Variants in NSUN2 observed in about 807,000 individuals in gnomAD.
NSUN2 encodes NOP2/Sun RNA methyltransferase 2.
In NSUN2, 63 loss-of-function variants were observed where a neutral mutation model predicts 92.7. The observed-to-expected ratio is 0.68, with a 90% CI of 0.56 to 0.84. The LOEUF is 0.84. Ranked by LOEUF, NSUN2 falls within the 40% of genes least tolerant of loss-of-function variation. NSUN2 has a pLI of 0.00. For synonymous variants in NSUN2, 356 were observed against 348.3 expected (o/e 1.02, Z -0.25); for missense variants, 989 against 964.9 (o/e 1.02, Z -0.33).
intron 5 of NSUN2, among the ~76,000 whole-genome samples, chr5:6,622,375 T>C (rs1737481752): frequency 6.6e-6 from 1 of 152,108 alleles, no homozygotes; most frequent in Non-Finnish European, 1.5e-5. Context: ...CATGAAAACA[T>C]AATGCTAAGG....
At position 6,604,604 on chromosome 5, in the gene NSUN2, C is replaced by T. The variant is rs762632551; in HGVS notation, c.1818+1G>A. The T allele has an allele frequency of 1.2e-6, 2 of 1,613,816 alleles. No homozygotes were observed. The highest frequency in any genetic ancestry group is 1.7e-6 in the Non-Finnish European group (2 of 1,179,698). ...CTGTTCAAATCCACTTCCAAAATTA[C>T]CTCCTGTGCCAGCCGGAAAGCACAG... On this transcript the variant is annotated splice_donor_variant, in intron 16 of 18. Transcript: ENST00000264670. LOFTEE classifies it high-confidence loss of function.
At chr5:6,620,364 C>T (rs1190578843) in intron 6 of NSUN2, 66 bp from the exon 7 acceptor site, 41 of 1,256,296 alleles carry the variant, frequency 3.3e-5, no homozygotes, top group Non-Finnish European at 3.3e-5. Flanking sequence ...CTGAAATATG[C>T]GACCTCCAAA....
chr5:6,627,082 C>G (rs568994134), intron 3 of NSUN2, among the ~76,000 whole-genome samples: 1 of 152,220 alleles, frequency 6.6e-6, no homozygotes, highest in South Asian at 2.1e-4. Flanking sequence ...TCCACGGCCA[C>G]CCTCCAAAGG....
chr5:6,607,534 G>T, intron 12 of NSUN2, 150 bp from the exon 13 acceptor site: 1 of 694,938 alleles, frequency 1.4e-6, no homozygotes, highest in Non-Finnish European at 2.3e-6. Context: ...TTTTTAAAGT[G>T]TCATTTTAAA....
rs200230801 is a variant in NSUN2 at position 6,599,379 on chromosome 5, TG to T, written c.*546del. 6,045 of 152,842 alleles carry T rather than the reference TG, an allele frequency of 0.04. 147 individuals carry two copies. The highest frequency in any genetic ancestry group is 0.057 in the Non-Finnish European group (3,907 of 68,158). The allele number at this position is 152,842 out of a possible 1,614,324, so 9.5% of individuals were successfully genotyped here. Reference sequence around the variant, plus strand: ...ACAATTCACGATACAGCTCTTACTCTGGGAGAGTTTATTTTACCCTTTATTC... The same window carrying T: ...ACAATTCACGATACAGCTCTTACTCTGGAGAGTTTATTTTACCCTTTATTC... On this transcript the variant is annotated 3_prime_UTR_variant, in exon 19 of 19. Coordinates refer to ENST00000264670, the MANE Select transcript of NSUN2 (RefSeq NM_017755.6).
intron 7 of NSUN2, among the ~76,000 whole-genome samples, chr5:6,619,445 T>C (rs893223510): frequency 1.3e-5 from 2 of 152,110 alleles, no homozygotes; most frequent in Non-Finnish European, 2.9e-5. Context: ...CATTATCACC[T>C]GGGATCATCA....
At chr5:6,606,731 CA>C (rs1736789669) in intron 14 of NSUN2, 88 bp downstream of exon 14, 1 of 658,724 alleles carries the variant, frequency 1.5e-6, no homozygotes, top group Non-Finnish European at 2.5e-6. Context: ...GAACTACATA[CA>C]AAACAATGGT....
At chr5:6,608,769 T>C (rs1480933345) in intron 12 of NSUN2, among the ~76,000 whole-genome samples, 2 of 152,250 alleles carry the variant, frequency 1.3e-5, no homozygotes, top group South Asian at 4.1e-4. Context: ...GCCACAAGCC[T>C]GTGGTCACTG....
At chr5:6,600,796 C>T (rs1736522351) in intron 18 of NSUN2, among the ~76,000 whole-genome samples, 1 of 152,152 alleles carries the variant, frequency 6.6e-6, no homozygotes, top group Admixed American at 6.5e-5. Flanking sequence ...TCTCCAGGGA[C>T]CCCACATGGC....
At chr5:6,624,236 C>A (rs1465105123) in intron 4 of NSUN2, among the ~76,000 whole-genome samples, 3 of 152,196 alleles carry the variant, frequency 2.0e-5, no homozygotes, top group Non-Finnish European at 4.4e-5. Context: ...CCTTCTGTAT[C>A]CATCCAAGGT....
intron 18 of NSUN2, among the ~76,000 whole-genome samples, chr5:6,601,475 T>C (rs2126465411): frequency 6.6e-6 from 1 of 152,140 alleles, no homozygotes; most frequent in East Asian, 1.9e-4. Flanking sequence ...ATCCATCTGT[T>C]GTTCCCTCAC....
intron 18 of NSUN2, 124 bp from the exon 19 acceptor site, chr5:6,600,356 A>C: frequency 4.9e-6 from 4 of 824,578 alleles, no homozygotes; most frequent in Non-Finnish European, 7.4e-6. Context: ...AACCCCCAAA[A>C]CTACTGGGAG....
At chr5:6,605,700 CT>C (rs879418991) in intron 14 of NSUN2, among the ~76,000 whole-genome samples, 292 of 144,814 alleles carry the variant, frequency 2.0e-3, no homozygotes, top group African/African-American at 3.4e-3. Flanking sequence ...ACTTTTGAGA[CT>C]TTTTTTTTTT....
chr5:6,623,073 C>T (rs983439526), intron 5 of NSUN2, 141 bp downstream of exon 5: 11 of 457,276 alleles, frequency 2.4e-5, no homozygotes, highest in East Asian at 3.7e-5. Context: ...AACTAAGATA[C>T]GTACATATCA....
chr5:6,609,255 C>T (rs570491008), intron 12 of NSUN2, among the ~76,000 whole-genome samples: 6 of 152,302 alleles, frequency 3.9e-5, no homozygotes, highest in South Asian at 2.1e-4. Flanking sequence ...TGAGACAGCA[C>T]GCATTACAAA....
chr5:6,627,635 G>C (rs1451090079), intron 3 of NSUN2, among the ~76,000 whole-genome samples: 1 of 152,156 alleles, frequency 6.6e-6, no homozygotes, highest in East Asian at 1.9e-4. Flanking sequence ...CTCATGTAAA[G>C]AAACATTTAG....
At chr5:6,606,567 G>A (rs1220960020) in intron 14 of NSUN2, among the ~76,000 whole-genome samples, 4 of 151,880 alleles carry the variant, frequency 2.6e-5, no homozygotes, top group Non-Finnish European at 5.9e-5. Context: ...TTACAGCCGT[G>A]AGCCACCGCG....
rs563543380 is a variant in NSUN2 at position 6,612,628 on chromosome 5, A to C, written c.1022-830T>G. ...AAACATGAAAATGGGACAATTACAA[A>C]AACAAAGGAAAAGAATCTCCAAGGT... On this transcript the variant is annotated intron_variant, in intron 9 of 18. Transcript: ENST00000264670. Among the ~76,000 whole-genome samples, 6 of 152,380 alleles carry C rather than the reference A, an allele frequency of 3.9e-5. No homozygotes were observed. In the East Asian group the frequency reaches 1.2e-3, roughly 29 times the overall value.
At chr5:6,604,775 G>A (rs1736694596) in intron 15 of NSUN2, 90 bp from the exon 16 acceptor site, 5 of 1,082,550 alleles carry the variant, frequency 4.6e-6, no homozygotes, top group Admixed American at 3.5e-5. Flanking sequence ...CAACCGTCAC[G>A]GAATGGGAAA....
Sources: gnomAD v4.1 joint callset for allele counts (sites outside exome capture counted in the v4.1 genomes callset) on GRCh38, gnomAD v4.1.1 for gene constraint, MANE v1.5 for transcripts, NCBI Gene and HGNC (gene_info 2026-07-23, HGNC 2026-07-21) for gene names.